DMD: variants seen among roughly 807,000 people sequenced by gnomAD.
The protein encoded by DMD is dystrophin, also known as mutant dystrophin.
DMD carries 63 observed loss-of-function variants against 330.1 expected under a neutral mutation model. That is an observed-to-expected ratio of 0.19 (90% confidence interval 0.16 to 0.24). DMD has a LOEUF of 0.24. Among genes scored for constraint, DMD ranks in the 10% least tolerant of loss-of-function variants. The pLI is 1.00. For missense variants in DMD, 3,344 were observed against 2,684.1 expected (o/e 1.25, Z -5.43); for synonymous variants, 1,223 against 959.8 (o/e 1.27, Z -5.07).
chrX:32,716,832 A>G (rs1196149096), intron 7 of DMD, among the ~76,000 whole-genome samples: 1 of 111,779 alleles, frequency 8.9e-6, no homozygotes, highest in African/African-American at 3.3e-5. Flanking sequence ...GCTTTAACAA[A>G]AAGAGATTGG....
At chrX:32,765,243 G>A (rs1185542821) in intron 7 of DMD, among the ~76,000 whole-genome samples, 1 of 110,779 alleles carries the variant, frequency 9.0e-6, no homozygotes, top group African/African-American at 3.3e-5. Flanking sequence ...TGTCTGGTGG[G>A]AGGTGATTGG....
chrX:31,915,007 ATACACCTAC>A (rs1435950710), intron 47 of DMD, among the ~76,000 whole-genome samples: 4 of 112,526 alleles, frequency 3.6e-5, no homozygotes, highest in Admixed American at 9.4e-5. Flanking sequence ...CCATAAATAC[ATACACCTAC>A]TATGTACCCA....
chrX:32,406,418 A>G (rs2098117308), intron 30 of DMD, among the ~76,000 whole-genome samples: 1 of 110,293 alleles, frequency 9.1e-6, no homozygotes, highest in Non-Finnish European at 1.9e-5. Context: ...TTATTTTGAG[A>G]TTTGTCCCAT....
chrX:31,539,808 T>C (rs1411175511), intron 55 of DMD, among the ~76,000 whole-genome samples: 1 of 112,194 alleles, frequency 8.9e-6, no homozygotes, highest in Non-Finnish European at 1.9e-5. Flanking sequence ...TCAACGTCTA[T>C]TAACATTGGT....
At position 32,348,423 on chromosome X, in the gene DMD, C is replaced by A; in HGVS notation, c.5431G>T (p.Asp1811Tyr). 8.3e-7 allele frequency: 1 copy of A among 1,208,421 alleles called. No homozygotes were observed. The highest frequency in any genetic ancestry group is 1.7e-5 in the African/African-American group (1 of 57,614). The change falls in exon 38 of 79, where the codon GAC becomes TAC. Residue 1811 changes from aspartate to tyrosine, a missense_variant. Physicochemically the swap from Asp to Tyr is radical, Grantham distance 160 (BLOSUM62 -3). Transcript: ENST00000357033. ...CAATTTACCATATCTTTATTGAAGT[C>A]TTCCTCTTTCAGATTCACCCCCTGC... Reference protein sequence around the residue: ...IQQGVNLKEEDFNKDMNEDNE... With the variant: ...IQQGVNLKEEYFNKDMNEDNE...
At chrX:32,387,549 TA>T (rs34160838) in intron 32 of DMD, among the ~76,000 whole-genome samples, 6 of 110,414 alleles carry the variant, frequency 5.4e-5, no homozygotes, top group Middle Eastern at 4.8e-3. Context: ...AAGTAATGTC[TA>T]AAAAAAAGCA....
intron 20 of DMD, among the ~76,000 whole-genome samples, chrX:32,485,570 T>A (rs1283135281): frequency 9.2e-6 from 1 of 109,067 alleles, no homozygotes; most frequent in Non-Finnish European, 1.9e-5. Context: ...TATACTATAA[T>A]TATAAATATA....
chrX:33,140,181 T>C (rs2047728732), intron 1 of DMD, among the ~76,000 whole-genome samples: 1 of 112,477 alleles, frequency 8.9e-6, no homozygotes, highest in Non-Finnish European at 1.9e-5. Flanking sequence ...GTTTAATTTC[T>C]ATGAATTTCA....
chrX:31,828,467 C>T (rs2092940097), intron 49 of DMD, among the ~76,000 whole-genome samples: 1 of 109,758 alleles, frequency 9.1e-6, no homozygotes, highest in Admixed American at 9.8e-5. Flanking sequence ...AGTTCGAGAC[C>T]TGCCTGGCCA....
chrX:33,130,283 G>A (rs761682056), intron 1 of DMD, among the ~76,000 whole-genome samples: 1 of 111,824 alleles, frequency 8.9e-6, no homozygotes, highest in Non-Finnish European at 1.9e-5. Context: ...TTGCACAACA[G>A]TGCAAGATTC....
chrX:32,980,869 T>C (rs1313690200), intron 2 of DMD, among the ~76,000 whole-genome samples: 1 of 111,819 alleles, frequency 8.9e-6, no homozygotes, highest in Non-Finnish European at 1.9e-5. Flanking sequence ...TAGCATTAAG[T>C]CTTCTTATTA....
At chrX:31,385,332 C>A (rs2060398138) in intron 60 of DMD, among the ~76,000 whole-genome samples, 1 of 111,640 alleles carries the variant, frequency 9.0e-6, no homozygotes, top group Admixed American at 9.6e-5. Context: ...ATGGAGAGCA[C>A]CTTCAGAGCC....
intron 60 of DMD, among the ~76,000 whole-genome samples, chrX:31,376,358 T>C (rs898473752): frequency 8.9e-6 from 1 of 112,320 alleles, no homozygotes; most frequent in Non-Finnish European, 1.9e-5. Flanking sequence ...TGCTTAGATA[T>C]CCTGATGGAT....
chrX:32,193,646 G>A (rs1047923273), intron 44 of DMD, among the ~76,000 whole-genome samples: 1 of 110,907 alleles, frequency 9.0e-6, no homozygotes, highest in African/African-American at 3.3e-5. Flanking sequence ...AGGTATTAGA[G>A]AGTGCCTACT....
chrX:33,059,744 G>C (rs2094560130), intron 1 of DMD, among the ~76,000 whole-genome samples: 1 of 111,949 alleles, frequency 8.9e-6, no homozygotes, highest in South Asian at 3.7e-4. Context: ...TCTTGGTTTT[G>C]AAGGTATGTT....
chrX:33,059,575 G>C (rs1188679410), intron 1 of DMD, among the ~76,000 whole-genome samples: 1 of 111,325 alleles, frequency 9.0e-6, no homozygotes, highest in African/African-American at 3.3e-5. Flanking sequence ...AAGATGTCAG[G>C]GAACCCTGGG....
At chrX:31,940,739 A>G (rs2094986710) in intron 45 of DMD, among the ~76,000 whole-genome samples, 1 of 109,641 alleles carries the variant, frequency 9.1e-6, no homozygotes, top group South Asian at 3.9e-4. Context: ...TAAAGAAGCG[A>G]GGGAGGAGGC....
At chrX:31,516,765 C>T (rs1384493197) in intron 55 of DMD, among the ~76,000 whole-genome samples, 10 of 111,875 alleles carry the variant, frequency 8.9e-5, no homozygotes. Context: ...CACTTAAGCA[C>T]TGCAACAGCA....
intron 60 of DMD, among the ~76,000 whole-genome samples, chrX:31,414,388 GA>G (rs763819841): frequency 8.9e-6 from 1 of 111,945 alleles, no homozygotes; most frequent in Non-Finnish European, 1.9e-5. Flanking sequence ...CATATGGGGG[GA>G]AAAATTAAAC....
Sources: gnomAD v4.1 joint callset for allele counts (sites outside exome capture counted in the v4.1 genomes callset) on GRCh38, gnomAD v4.1.1 for gene constraint, MANE v1.5 for transcripts, NCBI Gene and HGNC (gene_info 2026-07-23, HGNC 2026-07-21) for gene names.